The following NEBL variants were observed in gnomAD, a reference collection of about 807,000 sequenced individuals.
NEBL encodes the protein nebulette, also known as LIM and SH3 protein 2.
Under a neutral mutation model 140.2 loss-of-function variants are expected in NEBL, and 122 were observed. That is an observed-to-expected ratio of 0.87 (90% CI 0.75 to 1.01). NEBL has a LOEUF of 1.01. NEBL is among the 50% of genes least tolerant of loss of function. NEBL has a pLI of 0.00. For synonymous variants in NEBL, 436 were observed against 398.9 expected (o/e 1.09, Z -1.11); for missense variants, 1,365 against 1,231.3 (o/e 1.11, Z -1.62).
At chr10:20,880,524 C>T (rs1405224337) in intron 5 of NEBL, among the ~76,000 whole-genome samples, 1 of 152,106 alleles carries the variant, frequency 6.6e-6, no homozygotes, top group Non-Finnish European at 1.5e-5. Flanking sequence ...TCTGGAAATG[C>T]TTGATAACCC....
intron 3 of NEBL, among the ~76,000 whole-genome samples, chr10:21,019,947 A>G (rs1460838097): frequency 1.3e-5 from 2 of 152,222 alleles, no homozygotes; most frequent in Non-Finnish European, 2.9e-5. Context: ...AAGACCGGGA[A>G]CAGTACAGAT....
At chr10:21,216,921 G>A (rs557109611) in intron 3 of NEBL, among the ~76,000 whole-genome samples, 13 of 152,236 alleles carry the variant, frequency 8.5e-5, no homozygotes, top group African/African-American at 2.4e-4. Flanking sequence ...CCAGAAGGTG[G>A]AGGTTGCAGT....
rs566170330 is a variant in NEBL at position 21,028,894 on chromosome 10, TAA to T, written c.165-8695_165-8694del. 556 of 418,338 alleles carry T rather than the reference TAA, an allele frequency of 1.3e-3. 2 individuals are homozygous for T. The highest frequency in any genetic ancestry group is 0.012 in the Middle Eastern group (18 of 1,508). The allele number at this position is 418,338 out of a possible 1,614,324, so 25.9% of individuals were successfully genotyped here. A position where few individuals can be genotyped will look rare whatever the true frequency, so the allele number is the denominator to read the frequency against. ...ATGTAAATAGGCAATACTTGCCAGC[TAA>T]AAGATTGATATTGTCATATTTTTAA... On this transcript the variant is annotated intron_variant, in intron 2 of 6. Transcript: ENST00000417816.
intron 2 of NEBL, among the ~76,000 whole-genome samples, chr10:21,106,733 G>A (rs1264942684): frequency 1.3e-5 from 2 of 152,130 alleles, no homozygotes; most frequent in East Asian, 1.9e-4. Context: ...AAAGTCAGTA[G>A]TAGCTTGATG....
intron 5 of NEBL, among the ~76,000 whole-genome samples, chr10:20,876,476 G>C (rs948800198): frequency 5.3e-5 from 8 of 151,922 alleles, no homozygotes; most frequent in African/African-American, 1.9e-4. Context: ...TGTTTTTCTA[G>C]TATCATTTTA....
intron 3 of NEBL, among the ~76,000 whole-genome samples, chr10:21,194,367 T>C (rs1238992911): frequency 1.3e-5 from 2 of 151,676 alleles, no homozygotes; most frequent in Non-Finnish European, 2.9e-5. Flanking sequence ...GTTATTGAAG[T>C]AAGCATTGAT....
chr10:21,172,495 ACATTT>A, intron 1 of NEBL: 9 of 1,564,614 alleles, frequency 5.8e-6, no homozygotes, highest in South Asian at 1.1e-5. Flanking sequence ...AAAAAAAAAA[ACATTT>A]AAAAATACAG....
chr10:21,044,002 G>A (rs1000326037), intron 2 of NEBL, among the ~76,000 whole-genome samples: 1 of 152,136 alleles, frequency 6.6e-6, no homozygotes, highest in Non-Finnish European at 1.5e-5. Flanking sequence ...TCTAAAAACA[G>A]GGTAGGATAT....
chr10:21,192,899 T>TA (rs1841595776), intron 3 of NEBL, among the ~76,000 whole-genome samples: 1 of 149,574 alleles, frequency 6.7e-6, no homozygotes, highest in East Asian at 2.0e-4. Context: ...CAATGAAACA[T>TA]AAAAAAATAT....
Position 20,785,777 on chromosome 10 carries a change from G to A in NEBL, c.3015C>T (p.Leu1005=). ...TVQRTGRTGM[L]PANYIEFVN Reference sequence around the variant, plus strand: ...TAACAAACTCAATGTAATTCGCTGGGAGCATTCCTGTTCTCCCTGTTCTCT... The same window carrying A: ...TAACAAACTCAATGTAATTCGCTGGAAGCATTCCTGTTCTCCCTGTTCTCT... Residue 1005 remains leucine (L), a synonymous_variant, in exon 28 of 28, where the codon CTC becomes CTT. Coordinates refer to ENST00000377122, the MANE Select transcript of NEBL (RefSeq NM_006393.3). 2.5e-6 allele frequency: 4 copies of A among 1,613,902 alleles called. No homozygotes were observed. The highest frequency in any genetic ancestry group is 1.1e-5 in the South Asian group (1 of 91,072).
At chr10:20,993,475 T>C (rs1295569270) in intron 3 of NEBL, among the ~76,000 whole-genome samples, 1 of 152,232 alleles carries the variant, frequency 6.6e-6, no homozygotes, top group East Asian at 1.9e-4. Context: ...TGGCTTACAA[T>C]AATAGGCATT....
At chr10:20,919,428 T>C (rs1327273884) in intron 4 of NEBL, among the ~76,000 whole-genome samples, 1 of 152,160 alleles carries the variant, frequency 6.6e-6, no homozygotes. Context: ...TCTATAATCA[T>C]GGGAATCATG....
chr10:20,869,397 G>A (rs569091119), intron 6 of NEBL, among the ~76,000 whole-genome samples: 1 of 152,282 alleles, frequency 6.6e-6, no homozygotes, highest in East Asian at 1.9e-4. Context: ...GGCCAAGCAA[G>A]AGCCTTTGGA....
chr10:21,055,713 T>C (rs1338327530), intron 2 of NEBL, among the ~76,000 whole-genome samples: 2 of 152,212 alleles, frequency 1.3e-5, no homozygotes, highest in African/African-American at 4.8e-5. Context: ...CTGTGTTAGA[T>C]AAACTGCAAT....
chr10:21,042,531 T>G (rs1191751102), intron 2 of NEBL, among the ~76,000 whole-genome samples: 3 of 152,252 alleles, frequency 2.0e-5, no homozygotes, highest in Non-Finnish European at 4.4e-5. Flanking sequence ...TACGTGGTAT[T>G]ATGGTCTCTG....
chr10:21,185,182 CTTCTG>C (rs1354493110), intron 3 of NEBL, among the ~76,000 whole-genome samples: 13 of 152,180 alleles, frequency 8.5e-5, no homozygotes, highest in African/African-American at 3.1e-4. Flanking sequence ...TAGGGTGTGG[CTTCTG>C]TTTTGTTTTG....
intron 3 of NEBL, among the ~76,000 whole-genome samples, chr10:20,993,587 C>G (rs147305131): frequency 3.3e-5 from 5 of 152,166 alleles, no homozygotes; most frequent in African/African-American, 4.8e-5. Flanking sequence ...GGCAGCTATA[C>G]AGAACATGTT....
chr10:21,053,056 T>C (rs1241551105), intron 2 of NEBL, among the ~76,000 whole-genome samples: 1 of 152,218 alleles, frequency 6.6e-6, no homozygotes, highest in African/African-American at 2.4e-5. Context: ...GATATCCTAA[T>C]GCCTTGATTT....
intron 2 of NEBL, among the ~76,000 whole-genome samples, chr10:21,033,582 A>T (rs999030300): frequency 1.3e-5 from 2 of 152,108 alleles, no homozygotes; most frequent in African/African-American, 4.8e-5. Context: ...TCTACTAAAC[A>T]TACAAAAATT....
Sources: gnomAD v4.1 joint callset for allele counts (sites outside exome capture counted in the v4.1 genomes callset) on GRCh38, gnomAD v4.1.1 for gene constraint, MANE v1.5 for transcripts, NCBI Gene and HGNC (gene_info 2026-07-23, HGNC 2026-07-21) for gene names.